LAMA2: variants seen among roughly 807,000 people sequenced by gnomAD.
LAMA2 encodes the protein laminin subunit alpha 2.
In LAMA2, 269 loss-of-function variants were observed where a neutral mutation model predicts 364.8. That is an observed-to-expected ratio of 0.74 (90% confidence interval 0.67 to 0.82). LAMA2 has a LOEUF of 0.82. Among genes scored for constraint, LAMA2 ranks in the 40% least tolerant of loss-of-function variants. LAMA2 has a pLI of 0.00. For missense variants in LAMA2, 3,807 were observed against 3,873.2 expected (o/e 0.98, Z 0.45); for synonymous variants, 1,379 against 1,370.6 (o/e 1.01, Z -0.14).
chr6:129,314,511 T>G, intron 23 of LAMA2, 144 bp from the exon 24 acceptor site: 1 of 712,416 alleles, frequency 1.4e-6, no homozygotes, highest in Non-Finnish European at 2.5e-6. Flanking sequence ...ACATGTGCCA[T>G]TTGAGATGTG....
chr6:129,129,938 A>AT (rs1337681839), intron 4 of LAMA2, among the ~76,000 whole-genome samples: 4 of 151,814 alleles, frequency 2.6e-5, no homozygotes, highest in Non-Finnish European at 5.9e-5. Context: ...AAAAAAAAAA[A>AT]AAAAATAACA....
Position 129,492,356 on chromosome 6 carries a change from A to G in LAMA2, c.8117A>G (p.Asp2706Gly). The change falls in exon 58 of 65, where the codon GAC (aspartate) becomes GGC (glycine). Residue 2706 changes from aspartate to glycine, a missense_variant. Transcript: ENST00000421865. ...AGGCCTGTGTCCTTCAAAAATGCTG[A>G]CATTGGTCGCTGTGCCCATCAGAAA... Reference protein sequence around the residue: ...FARPVSFKNADIGRCAHQKLR... With the variant: ...FARPVSFKNAGIGRCAHQKLR... The G allele has an allele frequency of 3.7e-6, 6 of 1,614,180 alleles. No homozygotes were observed. The South Asian group carries it at 6.6e-5, about 18-fold the overall frequency.
chr6:129,374,421 C>A (rs903882517), intron 34 of LAMA2, among the ~76,000 whole-genome samples: 16 of 152,088 alleles, frequency 1.1e-4, no homozygotes, highest in African/African-American at 3.9e-4. Context: ...TATCTCACAC[C>A]CATAGGTTGT....
At chr6:129,102,526 A>C in intron 4 of LAMA2, among the ~76,000 whole-genome samples, 1 of 152,202 alleles carries the variant, frequency 6.6e-6, no homozygotes, top group African/African-American at 2.4e-5. Flanking sequence ...ATTTATTCTA[A>C]AATTTTCAAT....
chr6:128,979,073 TG>T (rs1192259070), intron 1 of LAMA2, among the ~76,000 whole-genome samples: 1 of 152,210 alleles, frequency 6.6e-6, no homozygotes, highest in Non-Finnish European at 1.5e-5. Context: ...GTTTGCCACT[TG>T]GGTCAACAAA....
chr6:129,230,452 T>C (rs1784610519), intron 12 of LAMA2, among the ~76,000 whole-genome samples: 1 of 151,950 alleles, frequency 6.6e-6, no homozygotes, highest in Admixed American at 6.6e-5. Context: ...AGAAAGAAAA[T>C]AAGGGCATAG....
chr6:129,056,467 G>A (rs151189587), intron 2 of LAMA2, among the ~76,000 whole-genome samples: 151 of 152,132 alleles, frequency 9.9e-4, no homozygotes, highest in African/African-American at 3.5e-3. Flanking sequence ...TGATGATTTG[G>A]TGGAAAATAA....
intron 1 of LAMA2, among the ~76,000 whole-genome samples, chr6:129,004,406 TAAAAAA>T (rs61244248): frequency 1.5e-4 from 8 of 53,816 alleles, no homozygotes; most frequent in Non-Finnish European, 2.2e-4. Context: ...AGTATAATAA[TAAAAAA>T]AAAAAAAAAA....
intron 1 of LAMA2, among the ~76,000 whole-genome samples, chr6:128,973,643 GTT>G (rs1582800878): frequency 6.6e-6 from 1 of 152,198 alleles, no homozygotes; most frequent in Non-Finnish European, 1.5e-5. Flanking sequence ...AATTATGAGA[GTT>G]TGCCGAGTTT....
At chr6:129,450,246 C>G (rs996757374) in intron 45 of LAMA2, among the ~76,000 whole-genome samples, 1 of 151,710 alleles carries the variant, frequency 6.6e-6, no homozygotes, top group Non-Finnish European at 1.5e-5. Context: ...ATTGAGTCAT[C>G]TCTTCTCTAA....
rs929696063 is a variant in LAMA2 at position 129,487,344 on chromosome 6, G to A, written c.7898+722G>A. ...ACTTACTTTATTAGGAAAGTCATCT[G>A]TATTTTTCATCAAAATATTGTATGA... On this transcript the variant is annotated intron_variant, in intron 56 of 64. Coordinates refer to ENST00000421865, the MANE Select transcript of LAMA2 (RefSeq NM_000426.4). 3.3e-5 allele frequency among the ~76,000 whole-genome samples: 5 copies of A among 152,266 alleles called. No individual in the cohort carries two copies. The South Asian group carries it at 1.0e-3, about 32-fold the overall frequency.
chr6:128,902,278 A>C (rs766770752), intron 1 of LAMA2, among the ~76,000 whole-genome samples: 1 of 152,230 alleles, frequency 6.6e-6, no homozygotes, highest in Non-Finnish European at 1.5e-5. Flanking sequence ...GAGAATAAAA[A>C]TGGACACAGA....
intron 29 of LAMA2, among the ~76,000 whole-genome samples, chr6:129,338,495 T>C (rs938629152): frequency 5.9e-5 from 9 of 152,178 alleles, no homozygotes; most frequent in African/African-American, 2.2e-4. Context: ...TTCCTTTGGA[T>C]GGTTGAATAA....
chr6:129,219,642 C>G lies in LAMA2; in HGVS notation c.1782+26789C>G, dbSNP rs1172078543. 3.4e-5 allele frequency among the ~76,000 whole-genome samples: 5 copies of G among 145,806 alleles called. No homozygotes were observed. In the South Asian group the frequency reaches 9.2e-4, roughly 27 times the overall value. On this transcript the variant is annotated intron_variant, in intron 12 of 64. Coordinates refer to ENST00000421865, the MANE Select transcript of LAMA2 (RefSeq NM_000426.4). ...CACATATACACCATGGAATACTATG[C>G]AGCCATAAAAAATGATGAGTTCATG...
At chr6:129,105,467 A>G (rs1775765300) in intron 4 of LAMA2, among the ~76,000 whole-genome samples, 1 of 152,110 alleles carries the variant, frequency 6.6e-6, no homozygotes, top group Admixed American at 6.5e-5. Context: ...AATTCATTAT[A>G]TTTGTCAGAG....
At chr6:128,905,633 T>C (rs1777402501) in intron 1 of LAMA2, 1 of 151,982 alleles carries the variant, frequency 6.6e-6, no homozygotes, top group South Asian at 2.1e-4. Context: ...TTATTTTTAT[T>C]TTTTTCTTTT....
intron 58 of LAMA2, among the ~76,000 whole-genome samples, chr6:129,499,231 G>T (rs975781136): frequency 4.6e-5 from 7 of 151,976 alleles, no homozygotes; most frequent in African/African-American, 1.7e-4. Flanking sequence ...ATTGTAACAC[G>T]TTGAGATTGA....
At chr6:129,355,986 C>T (rs1777132416) in intron 32 of LAMA2, among the ~76,000 whole-genome samples, 2 of 152,040 alleles carry the variant, frequency 1.3e-5, no homozygotes, top group Admixed American at 1.3e-4. Flanking sequence ...TCTTATTTCT[C>T]AAAGTATATA....
chr6:128,996,130 A>G (rs1289280242), intron 1 of LAMA2, among the ~76,000 whole-genome samples: 2 of 152,214 alleles, frequency 1.3e-5, no homozygotes, highest in African/African-American at 4.8e-5. Context: ...AGGTGACACA[A>G]CAGAAAGTAG....
Sources: gnomAD v4.1 joint callset for allele counts (sites outside exome capture counted in the v4.1 genomes callset) on GRCh38, gnomAD v4.1.1 for gene constraint, MANE v1.5 for transcripts, NCBI Gene and HGNC (gene_info 2026-07-23, HGNC 2026-07-21) for gene names.